SAMMSON: variants seen among roughly 807,000 people sequenced by gnomAD.
SAMMSON encodes the protein long intergenic non-protein coding RNA 1212.
At chr3:70,288,932 T>C (rs559810114) in intron 6 of SAMMSON, among the ~76,000 whole-genome samples, 1 of 152,162 alleles carries the variant, frequency 6.6e-6, no homozygotes, top group African/African-American at 2.4e-5. Flanking sequence ...CTCCATCCTT[T>C]TATTTTGAGC....
intron 3 of SAMMSON, among the ~76,000 whole-genome samples, chr3:70,028,341 T>C (rs1038922671): frequency 1.3e-5 from 2 of 152,194 alleles, no homozygotes; most frequent in Non-Finnish European, 2.9e-5. Flanking sequence ...ATGTGCCTTG[T>C]GCTTCTTTGA....
At chr3:70,418,540 C>A (rs1258641167) in intron 2 of SAMMSON, among the ~76,000 whole-genome samples, 1 of 152,188 alleles carries the variant, frequency 6.6e-6, no homozygotes, top group Non-Finnish European at 1.5e-5. Flanking sequence ...ATCTGCACAT[C>A]CCAATGGCAT....
intron 2 of SAMMSON, among the ~76,000 whole-genome samples, chr3:70,417,693 C>T (rs980520742): frequency 6.6e-6 from 1 of 151,506 alleles, no homozygotes; most frequent in African/African-American, 2.4e-5. Context: ...TTTTGTGGTC[C>T]CAAAGACCCA....
chr3:70,126,569 T>C, intron 4 of SAMMSON: 1 of 514,518 alleles, frequency 1.9e-6, no homozygotes, highest in Non-Finnish European at 3.5e-6. Flanking sequence ...GAGGAGCTTG[T>C]GCATCCCCTT....
At chr3:70,314,169 T>A (rs1575623825) in intron 7 of SAMMSON, among the ~76,000 whole-genome samples, 1 of 152,050 alleles carries the variant, frequency 6.6e-6, no homozygotes, top group Non-Finnish European at 1.5e-5. Flanking sequence ...AACTATAACC[T>A]CCTCCTCCCC....
chr3:70,383,438 C>A (rs1703091084), intron 9 of SAMMSON, among the ~76,000 whole-genome samples: 3 of 151,770 alleles, frequency 2.0e-5, no homozygotes, highest in Non-Finnish European at 4.4e-5. Context: ...TTCGTAAATG[C>A]TATAATTAGT....
intron 2 of SAMMSON, among the ~76,000 whole-genome samples, chr3:70,421,266 G>T (rs1701311095): frequency 6.6e-6 from 1 of 152,082 alleles, no homozygotes; most frequent in Admixed American, 6.6e-5. Flanking sequence ...TGCATATGCT[G>T]AAATTTAAAA....
At chr3:70,022,536 T>G (rs2067020221) in intron 3 of SAMMSON, among the ~76,000 whole-genome samples, 1 of 152,146 alleles carries the variant, frequency 6.6e-6, no homozygotes, top group South Asian at 2.1e-4. Flanking sequence ...TTTTGGTCTT[T>G]CAGTTGGGAA....
At chr3:70,085,720 T>A (rs1394300003) in intron 4 of SAMMSON, among the ~76,000 whole-genome samples, 1 of 152,218 alleles carries the variant, frequency 6.6e-6, no homozygotes, top group East Asian at 1.9e-4. Context: ...TAGACTCAGT[T>A]TAAACACAAA....
At chr3:70,427,521 C>T (rs531526484) in intron 2 of SAMMSON, among the ~76,000 whole-genome samples, 46 of 152,106 alleles carry the variant, frequency 3.0e-4, no homozygotes, top group African/African-American at 9.6e-4. Context: ...GGGCGGATCA[C>T]GAGGTCAGGA....
intron 3 of SAMMSON, among the ~76,000 whole-genome samples, chr3:70,050,551 A>G (rs1212104195): frequency 6.6e-6 from 1 of 152,130 alleles, no homozygotes; most frequent in Non-Finnish European, 1.5e-5. Flanking sequence ...AATTAATTAC[A>G]TATGTTAATT....
At chr3:70,378,590 C>A (rs1225964163) in intron 9 of SAMMSON, among the ~76,000 whole-genome samples, 1 of 151,996 alleles carries the variant, frequency 6.6e-6, no homozygotes. Flanking sequence ...CTATAGAATT[C>A]TATTTTATTA....
chr3:70,396,790 A>G (rs990342665), intron 2 of SAMMSON, among the ~76,000 whole-genome samples: 5 of 152,180 alleles, frequency 3.3e-5, no homozygotes, highest in Non-Finnish European at 7.3e-5. Flanking sequence ...TTTTTCTTAC[A>G]AGGAGCAGGA....
At chr3:70,197,229 C>T (rs1423870732) in intron 4 of SAMMSON, 4 of 398,032 alleles carry the variant, frequency 1.0e-5, no homozygotes, top group Non-Finnish European at 1.8e-5. Flanking sequence ...CATCTGGGGG[C>T]GTCTATGAAG....
intron 3 of SAMMSON, among the ~76,000 whole-genome samples, chr3:70,040,731 C>G (rs1038485013): frequency 6.6e-6 from 1 of 152,090 alleles, no homozygotes; most frequent in African/African-American, 2.4e-5. Context: ...GAGCCTCATG[C>G]TCTTCCCACC....
chr3:70,270,135 A>G (rs1701962621), intron 6 of SAMMSON, among the ~76,000 whole-genome samples: 1 of 152,214 alleles, frequency 6.6e-6, no homozygotes. Context: ...TACATTTGAA[A>G]TGTTTGATTA....
At chr3:70,114,299 C>CGT in intron 4 of SAMMSON, among the ~76,000 whole-genome samples, 1 of 152,258 alleles carries the variant, frequency 6.6e-6, no homozygotes, top group East Asian at 1.9e-4. Context: ...TAGATTACCC[C>CGT]GTGTGTACAA....
chr3:70,205,016 A>G (rs1239981063), intron 4 of SAMMSON: 1 of 152,122 alleles, frequency 6.6e-6, no homozygotes, highest in Non-Finnish European at 1.5e-5. Context: ...ATCTCTACCA[A>G]AGCTAGAGAC....
At chr3:70,096,579 AT>A (rs1207571581) in intron 4 of SAMMSON, among the ~76,000 whole-genome samples, 1 of 152,124 alleles carries the variant, frequency 6.6e-6, no homozygotes, top group Non-Finnish European at 1.5e-5. Flanking sequence ...CAAAAGTCAC[AT>A]CTATGACTAA....
Sources: allele counts gnomAD v4.1 joint callset (sites outside exome capture counted in the v4.1 genomes callset), GRCh38; gene constraint gnomAD v4.1.1; transcripts MANE v1.5; gene names NCBI Gene and HGNC (gene_info 2026-07-23, HGNC 2026-07-21).